NBEA: variants seen among roughly 807,000 people sequenced by gnomAD.
The protein encoded by NBEA is neurobeachin, also known as lysosomal-trafficking regulator 2.
NBEA carries 44 observed loss-of-function variants against 343.4 expected under a neutral mutation model. The ratio of observed to expected loss-of-function variants is 0.13; its 90% confidence interval spans 0.10 to 0.16. The LOEUF (loss-of-function observed/expected upper bound fraction) is 0.16. NBEA is among the 10% of genes least tolerant of loss of function. NBEA has a pLI of 1.00. For synonymous variants in NBEA, 1,175 were observed against 1,238.7 expected (o/e 0.95, Z 1.08); for missense variants, 2,555 against 3,631.3 (o/e 0.70, Z 7.62).
chr13:35,508,174 A>C (rs932164500), intron 41 of NBEA, among the ~76,000 whole-genome samples: 1 of 152,176 alleles, frequency 6.6e-6, no homozygotes, highest in African/African-American at 2.4e-5. Context: ...GTTTCACTTT[A>C]AAGCCAATCC....
At chr13:35,396,683 A>C (rs1264656253) in intron 38 of NBEA, among the ~76,000 whole-genome samples, 1 of 152,122 alleles carries the variant, frequency 6.6e-6, no homozygotes, top group African/African-American at 2.4e-5. Context: ...CCTCACCTCC[A>C]AAATGATTCT....
intron 1 of NBEA, among the ~76,000 whole-genome samples, chr13:35,025,557 G>A (rs554991101): frequency 2.0e-5 from 3 of 152,040 alleles, no homozygotes; most frequent in Non-Finnish European, 4.4e-5. Context: ...CCTGGTTACT[G>A]TTGCCTTGTA....
chr13:35,434,794 A>C (rs150504915), intron 39 of NBEA, among the ~76,000 whole-genome samples: 89 of 152,266 alleles, frequency 5.8e-4, no homozygotes, highest in African/African-American at 2.0e-3. Flanking sequence ...CCTTCTTCCT[A>C]CCTCTTAATG....
intron 1 of NBEA, among the ~76,000 whole-genome samples, chr13:34,978,751 T>C (rs1295566892): frequency 6.6e-6 from 1 of 152,194 alleles, no homozygotes; most frequent in Non-Finnish European, 1.5e-5. Context: ...TTCTTTTATT[T>C]AACAGAATGC....
intron 36 of NBEA, among the ~76,000 whole-genome samples, chr13:35,323,627 G>A (rs1221176676): frequency 6.6e-6 from 1 of 151,534 alleles, no homozygotes; most frequent in African/African-American, 2.4e-5. Context: ...TGACGAGTTA[G>A]TGGGTGCAGC....
chr13:35,329,416 A>G (rs963874132), intron 36 of NBEA, among the ~76,000 whole-genome samples: 3 of 151,974 alleles, frequency 2.0e-5, no homozygotes, highest in Non-Finnish European at 4.4e-5. Context: ...TTTATTCGTA[A>G]TAGCCAAGGA....
rs74824187 is a variant in NBEA at position 35,293,333 on chromosome 13, C to A, written c.5838+2883C>A. The stretch of plus-strand genomic sequence containing the variant: ...TTATCATTCTGATATATTTATCATT[C>A]CACAAATACCCAAAACATTTTTGAC... On this transcript the variant is annotated intron_variant, in intron 35 of 58. Coordinates refer to ENST00000379939, the MANE Select transcript of NBEA (RefSeq NM_001385012.1). Among the ~76,000 whole-genome samples the A allele has an allele frequency of 3.9e-5, 6 of 152,044 alleles. No homozygotes were observed. The East Asian group carries it at 9.7e-4, about 24-fold the overall frequency.
chr13:35,397,543 G>A (rs1014239983), intron 38 of NBEA, among the ~76,000 whole-genome samples: 2 of 152,070 alleles, frequency 1.3e-5, no homozygotes, highest in African/African-American at 4.8e-5. Context: ...GATCAGTGCT[G>A]TATCCTCAGC....
chr13:35,661,148 A>G (rs143898758), intron 55 of NBEA, among the ~76,000 whole-genome samples: 129 of 152,304 alleles, frequency 8.5e-4, no homozygotes, highest in African/African-American at 2.9e-3. Flanking sequence ...CTAGATTGGA[A>G]GCAATATATA....
intron 24 of NBEA, among the ~76,000 whole-genome samples, chr13:35,168,441 G>T (rs1251604169): frequency 1.3e-5 from 2 of 151,474 alleles, no homozygotes; most frequent in African/African-American, 4.8e-5. Flanking sequence ...TGGTTTATAA[G>T]TTATAATCTC....
At chr13:35,582,590 G>A (rs1159063805) in intron 45 of NBEA, among the ~76,000 whole-genome samples, 1 of 151,982 alleles carries the variant, frequency 6.6e-6, no homozygotes, top group Non-Finnish European at 1.5e-5. Context: ...AAAAGTTTAG[G>A]AACCTTAAAA....
intron 55 of NBEA, among the ~76,000 whole-genome samples, chr13:35,658,930 A>G (rs913723909): frequency 1.3e-5 from 2 of 152,178 alleles, no homozygotes; most frequent in African/African-American, 4.8e-5. Flanking sequence ...TGACTGCCAT[A>G]TCAGTGCCCT....
At chr13:35,063,693 T>C (rs112584693) in intron 8 of NBEA, among the ~76,000 whole-genome samples, 2,517 of 152,036 alleles carry the variant, frequency 0.017, 72 homozygotes, top group African/African-American at 0.052. Flanking sequence ...CTTTGGTAAA[T>C]AGGGAGAAAA....
intron 48 of NBEA, among the ~76,000 whole-genome samples, chr13:35,610,952 T>G (rs557619762): frequency 6.6e-6 from 1 of 151,740 alleles, no homozygotes; most frequent in African/African-American, 2.4e-5. Context: ...AGATGCCTCA[T>G]ATCAAAAATT....
At chr13:35,036,024 A>C (rs1232729017) in intron 1 of NBEA, among the ~76,000 whole-genome samples, 3 of 151,872 alleles carry the variant, frequency 2.0e-5, no homozygotes, top group African/African-American at 7.2e-5. Context: ...TGTTATTATT[A>C]AGTAAGGATG....
chr13:35,533,855 A>G lies in NBEA; in HGVS notation c.6586-16622A>G, dbSNP rs538030992. On this transcript the variant is annotated intron_variant, in intron 41 of 58. Coordinates refer to ENST00000379939, the MANE Select transcript of NBEA (RefSeq NM_001385012.1). The stretch of plus-strand genomic sequence containing the variant: ...TGTGCCACACACTATACTGAGCACC[A>G]GGGAAAACATTCCACATTAAGGTGG... Among the ~76,000 whole-genome samples the G allele has an allele frequency of 2.0e-5, 3 of 152,348 alleles. No individual in the cohort carries two copies. In the South Asian group the frequency reaches 6.2e-4, roughly 32 times the overall value.
intron 38 of NBEA, among the ~76,000 whole-genome samples, chr13:35,428,621 T>C (rs1438355789): frequency 1.3e-5 from 2 of 152,160 alleles, no homozygotes; most frequent in Admixed American, 6.5e-5. Flanking sequence ...GCTAAGTGTA[T>C]TTTTTTCATT....
rs190692906 is a variant in NBEA at position 35,327,851 on chromosome 13, C to T, written c.5903+18259C>T. 4.8e-3 allele frequency among the ~76,000 whole-genome samples: 732 copies of T among 151,740 alleles called. 2 individuals carry two copies. The highest frequency in any genetic ancestry group is 6.7e-3 in the Non-Finnish European group (456 of 67,864). Reference sequence around the variant, plus strand: ...ACAGACTGCAAAAGAGAAAAATATACGATCATTGTCATAGATGTAGGAAAA... The same window carrying T: ...ACAGACTGCAAAAGAGAAAAATATATGATCATTGTCATAGATGTAGGAAAA... On this transcript the variant is annotated intron_variant, in intron 36 of 58. Coordinates refer to ENST00000379939, the MANE Select transcript of NBEA (RefSeq NM_001385012.1).
chr13:35,606,511 T>C lies in NBEA; in HGVS notation c.7382T>C (p.Val2461Ala). The C allele has an allele frequency of 6.2e-7, 1 of 1,607,208 alleles. No homozygotes were observed. The highest frequency in any genetic ancestry group is 8.5e-7 in the Non-Finnish European group (1 of 1,175,724). ...CTTGGAGTCAGAGAAGATGAAGTAG[T>C]GGTAAATGATGTTGATCTTCCCCCT... is the stretch of plus-strand genomic sequence containing the variant. ...YNLGVREDEV[V>A]VNDVDLPPWA... The change falls in exon 48 of 59, where the codon GTG (valine) becomes GCG (alanine). Residue 2461 changes from valine to alanine, a missense_variant. This residue lies in a region of NBEA where 156 missense variants were observed against 185.8 expected (regional missense o/e 0.84). Coordinates refer to ENST00000379939, the MANE Select transcript of NBEA (RefSeq NM_001385012.1).
Sources: gnomAD v4.1 joint callset for allele counts (sites outside exome capture counted in the v4.1 genomes callset) on GRCh38, gnomAD v4.1.1 for gene constraint, gnomAD v4.1.1 regional missense constraint, MANE v1.5 for transcripts, NCBI Gene and HGNC (gene_info 2026-07-23, HGNC 2026-07-21) for gene names.